Variants in ZBBX observed in about 807,000 individuals in gnomAD.
The protein encoded by ZBBX is zinc finger B-box domain containing, also known as zinc finger B-box domain-containing protein 1.
Under a neutral mutation model 108.5 loss-of-function variants are expected in ZBBX, and 101 were observed. The ratio of observed to expected loss-of-function variants is 0.93; its 90% CI spans 0.79 to 1.10. The LOEUF is 1.10. Ranked by LOEUF, ZBBX falls within the 50% of genes least tolerant of loss-of-function variation. ZBBX has a pLI of 0.00. For missense variants in ZBBX, 1,009 were observed against 941.4 expected, an observed-to-expected ratio of 1.07 and a Z score of -0.94; for synonymous variants, 356 against 323.4, an observed-to-expected ratio of 1.10 and a Z score of -1.08.
intron 20 of ZBBX, among the ~76,000 whole-genome samples, chr3:167,267,532 T>C (rs1311655064): frequency 6.6e-6 from 1 of 152,182 alleles, no homozygotes; most frequent in East Asian, 1.9e-4. Context: ...TGGAAAGGTA[T>C]TGAGAGAACT....
chr3:167,207,789 C>T, the ZBBX span, among the ~76,000 whole-genome samples: 3 of 152,076 alleles, frequency 2.0e-5, no homozygotes, highest in Non-Finnish European at 4.4e-5. Context: ...TCACCAGTCA[C>T]CCTCCCCACA....
chr3:167,350,273 T>C (rs1039014639), intron 9 of ZBBX, 147 bp downstream of exon 9: 1 of 491,482 alleles, frequency 2.0e-6, no homozygotes, highest in Non-Finnish European at 3.6e-6. Flanking sequence ...AATTTAAAAA[T>C]ATGCATCAGG....
At chr3:167,307,292 G>T (rs1263147230) in intron 16 of ZBBX, among the ~76,000 whole-genome samples, 9 of 152,236 alleles carry the variant, frequency 5.9e-5, no homozygotes, top group Middle Eastern at 3.4e-3. Context: ...GAAAGAGAAA[G>T]AAATAAAGGG....
At chr3:167,312,941 C>T (rs1274502144) in intron 16 of ZBBX, among the ~76,000 whole-genome samples, 1 of 152,088 alleles carries the variant, frequency 6.6e-6, no homozygotes, top group African/African-American at 2.4e-5. Flanking sequence ...AAAATCTAAT[C>T]TTCACATACG....
intron 6 of ZBBX, among the ~76,000 whole-genome samples, chr3:167,365,085 A>C (rs1745128636): frequency 6.6e-6 from 1 of 151,734 alleles, no homozygotes; most frequent in South Asian, 2.1e-4. Flanking sequence ...AGTTTTTTTT[A>C]AACGTTGGGG....
chr3:167,378,840 AT>A (rs1386911577), intron 2 of ZBBX, among the ~76,000 whole-genome samples: 134 of 152,290 alleles, frequency 8.8e-4, no homozygotes, highest in Non-Finnish European at 1.8e-4. Context: ...TATCATGAAG[AT>A]TCCCTCCATC....
chr3:167,188,226 ATTCATACT>A, the ZBBX span, among the ~76,000 whole-genome samples: 2 of 152,184 alleles, frequency 1.3e-5, no homozygotes, highest in Non-Finnish European at 2.9e-5. Flanking sequence ...TTATACATTC[ATTCATACT>A]TTCAATTATC....
intron 11 of ZBBX, among the ~76,000 whole-genome samples, chr3:167,324,802 CT>C (rs34352973): frequency 1.3e-5 from 2 of 152,142 alleles, no homozygotes. Flanking sequence ...CACAACAAAC[CT>C]TTTTAAGTAT....
At chr3:167,263,035 C>CTTTTTTTTTTTTT (rs59613369) in intron 20 of ZBBX, among the ~76,000 whole-genome samples, 1 of 84,894 alleles carries the variant, frequency 1.2e-5, no homozygotes, top group Non-Finnish European at 2.3e-5. Context: ...TTTTCTAGTT[C>CTTTTTTTTTTTTT]TTTTTTTTTT....
In ZBBX at chr3:167,350,417, T is replaced by G; in HGVS notation, c.528+3A>C. The G allele has an allele frequency of 6.3e-7, 1 of 1,585,862 alleles. No individual in the cohort carries two copies. The highest frequency in any genetic ancestry group is 8.6e-7 in the Non-Finnish European group (1 of 1,163,758). On this transcript the variant is annotated splice_donor_region_variant and intron_variant, in intron 9 of 21. Coordinates refer to ENST00000675490, the MANE Select transcript of ZBBX (RefSeq NM_001199201.2). ...ACAAGTAAATCATTTTAGAAAGCCATACCTGCAAAAGAGTTGTTCTGTGGA... is the reference window on the plus strand; with the variant it reads ...ACAAGTAAATCATTTTAGAAAGCCAGACCTGCAAAAGAGTTGTTCTGTGGA...
chr3:167,213,406 G>A, the ZBBX span, among the ~76,000 whole-genome samples: 1 of 152,130 alleles, frequency 6.6e-6, no homozygotes, highest in Non-Finnish European at 1.5e-5. Context: ...GCAATCACAA[G>A]TACTAACAGC....
intron 20 of ZBBX, among the ~76,000 whole-genome samples, chr3:167,266,109 AGTT>A (rs1220930717): frequency 6.6e-6 from 1 of 152,188 alleles, no homozygotes; most frequent in Non-Finnish European, 1.5e-5. Flanking sequence ...ATGTGTAGAC[AGTT>A]GTTAAAATTT....
chr3:167,204,504 T>A, the ZBBX span, among the ~76,000 whole-genome samples: 1 of 149,134 alleles, frequency 6.7e-6, no homozygotes, highest in East Asian at 2.0e-4. Context: ...TGGTTTTTTG[T>A]TCTTGCGATA....
chr3:167,321,320 GA>G (rs568407272), intron 12 of ZBBX, among the ~76,000 whole-genome samples: 25 of 152,120 alleles, frequency 1.6e-4, no homozygotes, highest in South Asian at 6.2e-4. Flanking sequence ...CCATGGAGAA[GA>G]AAAATTAGAT....
At chr3:167,278,969 C>A (rs1197528649) in intron 20 of ZBBX, among the ~76,000 whole-genome samples, 1 of 152,088 alleles carries the variant, frequency 6.6e-6, no homozygotes, top group East Asian at 1.9e-4. Flanking sequence ...TAAATGTAAT[C>A]CAGCATATAA....
chr3:167,283,033 CA>C (rs1388694161), intron 19 of ZBBX, among the ~76,000 whole-genome samples: 1 of 152,142 alleles, frequency 6.6e-6, no homozygotes, highest in Non-Finnish European at 1.5e-5. Context: ...TGGAAAAACA[CA>C]GGCTTTAAAG....
At chr3:167,370,785 ATTTC>A (rs1240082485) in intron 4 of ZBBX, among the ~76,000 whole-genome samples, 4 of 152,136 alleles carry the variant, frequency 2.6e-5, no homozygotes, top group African/African-American at 9.7e-5. Context: ...TGTTTAAGAG[ATTTC>A]TTTAAGATTT....
upstream of ZBBX, among the ~76,000 whole-genome samples, chr3:167,384,345 A>G (rs940542464): frequency 4.6e-5 from 7 of 152,114 alleles, no homozygotes; most frequent in Non-Finnish European, 8.8e-5. Context: ...GTACAGATAC[A>G]TGGTTAGCTA....
intron 10 of ZBBX, chr3:167,331,564 C>A: frequency 1.0e-6 from 1 of 985,334 alleles, no homozygotes; most frequent in Non-Finnish European, 1.2e-6. Context: ...CATTGGAATA[C>A]CTGGCTTCCA....
Sources: allele counts gnomAD v4.1 joint callset (sites outside exome capture counted in the v4.1 genomes callset), GRCh38; gene constraint gnomAD v4.1.1; transcripts MANE v1.5; gene names NCBI Gene and HGNC (gene_info 2026-07-23, HGNC 2026-07-21).